The following FDFT1 variants were observed in gnomAD, a reference collection of about 807,000 sequenced individuals.
FDFT1 encodes the protein farnesyl-diphosphate farnesyltransferase 1.
Under a neutral mutation model 46.8 loss-of-function variants are expected in FDFT1, and 68 were observed. That is an observed-to-expected ratio of 1.45 (90% CI 1.19 to 1.78). The LOEUF is 1.78. Ranked by LOEUF, FDFT1 falls within the 40% of genes most tolerant of loss-of-function variation. The pLI, the probability that FDFT1 is intolerant of heterozygous loss-of-function variation, is 0.00. For synonymous variants in FDFT1, 351 were observed against 185.1 expected (o/e 1.90, Z -7.28); for missense variants, 928 against 524.4 (o/e 1.77, Z -7.52).
intron 3 of FDFT1, among the ~76,000 whole-genome samples, chr8:11,818,471 G>C (rs1002600714): frequency 1.3e-5 from 2 of 151,970 alleles, no homozygotes; most frequent in African/African-American, 2.4e-5. Flanking sequence ...TGTTAGACTC[G>C]CACACAATAA....
At chr8:11,815,150 A>G (rs543935025) in intron 3 of FDFT1, among the ~76,000 whole-genome samples, 95 of 152,322 alleles carry the variant, frequency 6.2e-4, no homozygotes, top group East Asian at 6.0e-3. Context: ...TACTTTGCTC[A>G]GAATGATGAT....
At chr8:11,807,190 G>A (rs1357268162) in intron 1 of FDFT1, among the ~76,000 whole-genome samples, 1 of 152,146 alleles carries the variant, frequency 6.6e-6, no homozygotes, top group African/African-American at 2.4e-5. Flanking sequence ...GTCCCACTCT[G>A]CAGTGTACAA....
chr8:11,824,976 C>G (rs879629654), intron 4 of FDFT1, among the ~76,000 whole-genome samples: 9 of 152,030 alleles, frequency 5.9e-5, no homozygotes, highest in Non-Finnish European at 1.3e-4. Flanking sequence ...ATCTCGTGAT[C>G]CGCCCGTCTC....
At chr8:11,823,608 T>A (rs1809556827) in intron 4 of FDFT1, among the ~76,000 whole-genome samples, 1 of 152,088 alleles carries the variant, frequency 6.6e-6, no homozygotes, top group South Asian at 2.1e-4. Context: ...AGGGTCTCAC[T>A]CTGTCACCCA....
chr8:11,817,789 A>T (rs962449632), intron 3 of FDFT1, among the ~76,000 whole-genome samples: 1 of 148,910 alleles, frequency 6.7e-6, no homozygotes, highest in Non-Finnish European at 1.5e-5. Context: ...AATTTTGTTG[A>T]TCTTTTCAAA....
chr8:11,818,114 A>ATG (rs1050464520), intron 3 of FDFT1, among the ~76,000 whole-genome samples: 1 of 152,136 alleles, frequency 6.6e-6, no homozygotes, highest in Admixed American at 6.5e-5. Context: ...TCATTTCGTT[A>ATG]TGTACCCAGT....
intron 1 of FDFT1, among the ~76,000 whole-genome samples, chr8:11,804,750 G>T (rs949480696): frequency 6.6e-6 from 1 of 151,746 alleles, no homozygotes. Flanking sequence ...GGGATTACAG[G>T]CACCTGCCAC....
intron 5 of FDFT1, among the ~76,000 whole-genome samples, chr8:11,829,580 T>G (rs931154272): frequency 5.9e-5 from 9 of 152,188 alleles, no homozygotes; most frequent in African/African-American, 2.2e-4. Context: ...TATAACTGTT[T>G]TTGTATATTG....
chr8:11,832,743 G>C (rs1421341197), intron 7 of FDFT1, among the ~76,000 whole-genome samples: 1 of 151,828 alleles, frequency 6.6e-6, no homozygotes, highest in Non-Finnish European at 1.5e-5. Context: ...CTGGCATCTG[G>C]TGAGTAGAGG....
chr8:11,830,165 A>T (rs2130868984), intron 5 of FDFT1, 79 bp from the exon 6 acceptor site: 2 of 1,194,078 alleles, frequency 1.7e-6, no homozygotes, highest in East Asian at 4.7e-5. Flanking sequence ...GTTCTTATGC[A>T]CAAAGACCCT....
chr8:11,800,134 G>A (rs981475812), upstream of FDFT1, among the ~76,000 whole-genome samples: 2 of 150,924 alleles, frequency 1.3e-5, no homozygotes, highest in African/African-American at 4.9e-5. Context: ...GTGGTTGGGC[G>A]CCTGTAATCC....
rs376669118 is a variant in FDFT1 at position 11,826,066 on chromosome 8, C to A, written c.553C>A (p.Arg185Ser). The change falls in exon 5 of 8, where the codon CGT (arginine) becomes AGT (serine). Residue 185 changes from arginine (R) to serine (S), a missense_variant. Physicochemically the swap from Arg to Ser is moderately radical, Grantham distance 110. Coordinates refer to ENST00000220584, the MANE Select transcript of FDFT1 (RefSeq NM_004462.5). ...VAGLVGIGLSRLFSASEFEDP... is the reference protein window; with the variant it reads ...VAGLVGIGLSSLFSASEFEDP... ...TGGGCTGGTCGGAATTGGCCTTTCC[C>A]GTCTTTTCTCAGCCTCAGAGTTTGA... 14 of 1,604,644 alleles carry A rather than the reference C, an allele frequency of 8.7e-6. No homozygotes were observed. Among genetic ancestry groups the A allele is most frequent in the South Asian group, 5.5e-5 (5 of 90,424 alleles).
intron 4 of FDFT1, among the ~76,000 whole-genome samples, chr8:11,822,590 G>A (rs1037031721): frequency 6.6e-5 from 10 of 152,142 alleles, no homozygotes; most frequent in African/African-American, 2.4e-4. Flanking sequence ...GAGGTGGGAG[G>A]ATCATTTGAG....
chr8:11,837,493 A>C (rs1811707030), intron 7 of FDFT1, among the ~76,000 whole-genome samples: 1 of 152,140 alleles, frequency 6.6e-6, no homozygotes, highest in South Asian at 2.1e-4. Context: ...CAGCCTCCTG[A>C]AGTGCTGGGA....
At chr8:11,837,197 G>A (rs191162212) in intron 7 of FDFT1, among the ~76,000 whole-genome samples, 47 of 152,352 alleles carry the variant, frequency 3.1e-4, no homozygotes, top group African/African-American at 9.9e-4. Flanking sequence ...CAGCAGCATC[G>A]CATGGGCGAA....
chr8:11,820,448 C>A (rs1390877296), intron 3 of FDFT1, among the ~76,000 whole-genome samples: 3 of 151,368 alleles, frequency 2.0e-5, no homozygotes, highest in African/African-American at 7.3e-5. Flanking sequence ...TATGCCCTGC[C>A]CCCAGAGATG....
At chr8:11,824,599 T>A (rs1809707615) in intron 4 of FDFT1, among the ~76,000 whole-genome samples, 1 of 112,864 alleles carries the variant, frequency 8.9e-6, no homozygotes, top group South Asian at 3.2e-4. Flanking sequence ...GGCTAATTTT[T>A]TTTTTTTCTC....
chr8:11,806,023 G>GT (rs750046933), intron 1 of FDFT1, among the ~76,000 whole-genome samples: 58 of 152,230 alleles, frequency 3.8e-4, no homozygotes, highest in African/African-American at 5.3e-4. Flanking sequence ...CAAGTTTGTG[G>GT]TTTTTTTCCC....
intron 7 of FDFT1, among the ~76,000 whole-genome samples, chr8:11,833,598 A>T (rs928941427): frequency 2.0e-5 from 3 of 152,136 alleles, no homozygotes; most frequent in Non-Finnish European, 4.4e-5. Context: ...CCTGGTTGTA[A>T]TTCATAGTTT....
Sources: allele counts gnomAD v4.1 joint callset (sites outside exome capture counted in the v4.1 genomes callset), GRCh38; gene constraint gnomAD v4.1.1; transcripts MANE v1.5; gene names NCBI Gene and HGNC (gene_info 2026-07-23, HGNC 2026-07-21).